Variants in TRAPPC3 observed in about 807,000 individuals in gnomAD.
The protein encoded by TRAPPC3 is trafficking protein particle complex subunit 3.
In TRAPPC3, 5 loss-of-function variants were observed where a neutral mutation model predicts 18.2. The ratio of observed to expected loss-of-function variants is 0.28; its 90% CI spans 0.14 to 0.58. The LOEUF (loss-of-function observed/expected upper bound fraction) is 0.58, where lower values mean the gene tolerates loss of function less well. Among genes scored for constraint, TRAPPC3 ranks in the 20% least tolerant of loss-of-function variants. The pLI is 0.91. For missense variants in TRAPPC3, 176 were observed against 225.9 expected (o/e 0.78, Z 1.41); for synonymous variants, 65 against 84.2 (o/e 0.77, Z 1.25).
chr1:36,148,969 C>A lies in TRAPPC3; in HGVS notation c.42+368G>T, dbSNP rs568193688. ...TACGTAAGCTCTCCAAGCTGTAAAA[C>A]GGCAATGTTATCCATCTGATAGGGG... On this transcript the variant is annotated intron_variant, in intron 1 of 4. Transcript: ENST00000373166. 1.6e-5 allele frequency: 13 copies of A among 833,898 alleles called. No individual in the cohort carries two copies. In the East Asian group the frequency reaches 8.1e-4, roughly 52 times the overall value. 51.7% of individuals were successfully genotyped at this position (833,898 alleles called of 1,614,324 possible).
intron 1 of TRAPPC3, among the ~76,000 whole-genome samples, chr1:36,154,621 C>T (rs1458396196): frequency 1.3e-5 from 2 of 152,146 alleles, no homozygotes; most frequent in African/African-American, 2.4e-5. Context: ...ATCTGCTCCT[C>T]GTCCTTCCAC....
chr1:36,145,530 T>C (rs961358625), intron 1 of TRAPPC3, among the ~76,000 whole-genome samples: 2 of 152,114 alleles, frequency 1.3e-5, no homozygotes, highest in Non-Finnish European at 2.9e-5. Context: ...CTCAGGGGAA[T>C]AGACACTGGG....
chr1:36,139,101 A>G (rs1181656670), intron 3 of TRAPPC3, among the ~76,000 whole-genome samples: 1 of 151,640 alleles, frequency 6.6e-6, no homozygotes, highest in Non-Finnish European at 1.5e-5. Context: ...AATTTAAAGT[A>G]ACTTATCTAA....
At chr1:36,155,058 T>G (rs1644305869) in intron 1 of TRAPPC3, among the ~76,000 whole-genome samples, 5 of 152,294 alleles carry the variant, frequency 3.3e-5, no homozygotes. Flanking sequence ...AAGGAGAAAC[T>G]GGAGGGAAGG....
At chr1:36,142,393 T>C (rs1159655152) in intron 1 of TRAPPC3, among the ~76,000 whole-genome samples, 13 of 152,336 alleles carry the variant, frequency 8.5e-5, no homozygotes, top group Non-Finnish European at 1.5e-5. Context: ...CACCACTGCA[T>C]TAAATCAGGA....
chr1:36,153,322 G>A (rs1177013418), upstream of TRAPPC3, among the ~76,000 whole-genome samples: 1 of 152,200 alleles, frequency 6.6e-6, no homozygotes, highest in Admixed American at 6.5e-5. Context: ...GAGGAGAATG[G>A]AGAGGAGTCC....
chr1:36,141,725 C>T (rs368486468), intron 1 of TRAPPC3, among the ~76,000 whole-genome samples: 10 of 151,536 alleles, frequency 6.6e-5, no homozygotes, highest in East Asian at 1.9e-4. Context: ...TTTGGAAGTC[C>T]GAGGCGGGCG....
chr1:36,137,589 C>A, intron 4 of TRAPPC3: 1 of 651,722 alleles, frequency 1.5e-6, no homozygotes. Context: ...TGGGGACTGA[C>A]AGCACCACCT....
intron 1 of TRAPPC3, among the ~76,000 whole-genome samples, chr1:36,144,289 CAA>C (rs58378686): frequency 7.0e-5 from 4 of 57,476 alleles, no homozygotes; most frequent in Non-Finnish European, 5.7e-5. Flanking sequence ...ACCCTGTCTC[CAA>C]AAAAAAAAAA....
chr1:36,149,608 G>A, upstream of TRAPPC3: 1 of 603,672 alleles, frequency 1.7e-6, no homozygotes, highest in African/African-American at 1.9e-5. Flanking sequence ...TGGCAGCACC[G>A]CCTCTTAACA....
chr1:36,150,627 G>A (rs777839146), upstream of TRAPPC3, among the ~76,000 whole-genome samples: 2 of 152,194 alleles, frequency 1.3e-5, no homozygotes, highest in East Asian at 1.9e-4. Context: ...CTGGTGCCCA[G>A]GGTTCCCCCA....
rs1463756620 is a variant in TRAPPC3, at chr1:36,138,155, A to T, written c.241-177T>A. On this transcript the variant is annotated intron_variant, in intron 3 of 4. Coordinates refer to ENST00000373166, the MANE Select transcript of TRAPPC3 (RefSeq NM_014408.5). ...GAGAAGCATCTGTACATGATGCTGCACCCCTCTCCTTCACGGCATCATACA... is the reference window on the plus strand; with the variant it reads ...GAGAAGCATCTGTACATGATGCTGCTCCCCTCTCCTTCACGGCATCATACA... 3 of 1,551,632 alleles carry T rather than the reference A, an allele frequency of 1.9e-6. No homozygotes were observed. The African/African-American group carries it at 4.1e-5, about 21-fold the overall frequency.
chr1:36,150,834 C>A (rs1409626454), upstream of TRAPPC3, among the ~76,000 whole-genome samples: 1 of 152,192 alleles, frequency 6.6e-6, no homozygotes, highest in Non-Finnish European at 1.5e-5. Flanking sequence ...CAACTAGCCC[C>A]CAAGGGCCAG....
chr1:36,140,880 G>A (rs1450039239), intron 1 of TRAPPC3: 1 of 151,492 alleles, frequency 6.6e-6, no homozygotes. Context: ...TCTGGGGCCA[G>A]GAGCAGTGAC....
chr1:36,150,793 T>A (rs957840586), upstream of TRAPPC3, among the ~76,000 whole-genome samples: 5 of 152,114 alleles, frequency 3.3e-5, no homozygotes, highest in Non-Finnish European at 2.9e-5. Context: ...AACTTGAGGG[T>A]TGGTTGGGGT....
chr1:36,154,571 C>T (rs1644299629), intron 1 of TRAPPC3, among the ~76,000 whole-genome samples: 3 of 152,086 alleles, frequency 2.0e-5, no homozygotes, highest in African/African-American at 7.3e-5. Context: ...CCCGCAGTCC[C>T]CCCACCCTGC....
At chr1:36,155,073 C>T (rs774113679) in intron 1 of TRAPPC3, among the ~76,000 whole-genome samples, 7 of 152,188 alleles carry the variant, frequency 4.6e-5, no homozygotes, top group Non-Finnish European at 8.8e-5. Context: ...GGAAGGGGGG[C>T]AAGGGGGACA....
At chr1:36,142,257 T>C (rs1644128497) in intron 1 of TRAPPC3, among the ~76,000 whole-genome samples, 1 of 152,218 alleles carries the variant, frequency 6.6e-6, no homozygotes, top group Admixed American at 6.5e-5. Context: ...TTACCAAATA[T>C]GGCAATTAAG....
chr1:36,137,429 GC>G, intron 4 of TRAPPC3, 107 bp from the exon 5 acceptor site: 1 of 1,211,172 alleles, frequency 8.3e-7, no homozygotes, highest in Admixed American at 2.3e-5. Context: ...AAAAAGGGGG[GC>G]TGGTTTCCCA....
Sources: allele counts gnomAD v4.1 joint callset (sites outside exome capture counted in the v4.1 genomes callset), GRCh38; gene constraint gnomAD v4.1.1; transcripts MANE v1.5; gene names NCBI Gene and HGNC (gene_info 2026-07-23, HGNC 2026-07-21).